The following C12orf50 variants were observed in gnomAD, a reference collection of about 807,000 sequenced individuals.
The protein encoded by C12orf50 is uncharacterized protein C12orf50.
A neutral mutation model predicts 61.6 loss-of-function variants in C12orf50; 35 were observed. That is an observed-to-expected ratio of 0.57 (90% CI 0.43 to 0.75). The LOEUF (loss-of-function observed/expected upper bound fraction) is 0.75, where lower values mean the gene tolerates loss of function less well. C12orf50 is among the 30% of genes least tolerant of loss of function. The pLI is 0.00. For missense variants in C12orf50, 475 were observed against 488.5 expected, an observed-to-expected ratio of 0.97 and a Z score of 0.26; for synonymous variants, 178 against 161.5, an observed-to-expected ratio of 1.10 and a Z score of -0.77.
intron 3 of C12orf50, among the ~76,000 whole-genome samples, chr12:88,012,346 C>G (rs2032142858): frequency 6.6e-6 from 1 of 152,148 alleles, no homozygotes; most frequent in Non-Finnish European, 1.5e-5. Flanking sequence ...ACCTCCATAG[C>G]TAGAACACAC....
In C12orf50 at chr12:88,027,014, G is replaced by A. The variant is rs775986486; in HGVS notation, c.-52C>T. 1 of 1,613,824 alleles carries A rather than the reference G, an allele frequency of 6.2e-7. No individual in the cohort carries two copies. The highest frequency in any genetic ancestry group is 2.2e-5 in the East Asian group (1 of 44,852). On this transcript the variant is annotated 5_prime_UTR_variant, in exon 2 of 13. Coordinates refer to ENST00000298699, the MANE Select transcript of C12orf50 (RefSeq NM_152589.3). ...AACATTTCCTCTCTCTCCATAATGA[G>A]CACACAGTGTCACTGCCAAGGGCCT...
At position 88,029,299 on chromosome 12, in the gene C12orf50, C is replaced by T. The variant is rs183671824; in HGVS notation, c.-109+41G>A. On this transcript the variant is annotated intron_variant, in intron 1 of 12. Coordinates refer to ENST00000298699, the MANE Select transcript of C12orf50 (RefSeq NM_152589.3). The stretch of plus-strand genomic sequence containing the variant: ...CTGACCTCCTGTTGACAGTATATTA[C>T]GCAATAGATAATTCTTAAAGACATT... The T allele has an allele frequency of 4.1e-3, 872 of 212,096 alleles. 3 individuals carry two copies. Among genetic ancestry groups the T allele is most frequent in the Non-Finnish European group, 4.9e-3 (506 of 103,032 alleles). The allele number at this position is 212,096 out of a possible 1,614,324, so 13.1% of individuals were successfully genotyped here.
In C12orf50 at chr12:87,998,042, TTCA is replaced by T; in HGVS notation, c.279_281del (p.Asp93del). On this transcript the variant is annotated inframe_deletion, in exon 4 of 13. Coordinates refer to ENST00000298699, the MANE Select transcript of C12orf50 (RefSeq NM_152589.3). Reference sequence around the variant, plus strand: ...GAAAAAAGTTCTACTAACCATTTTGTTCATCTACTTCCTCTTCTTCCTCAAAAT... The same window carrying T: ...GAAAAAAGTTCTACTAACCATTTTGTTCTACTTCCTCTTCTTCCTCAAAAT... 6.2e-7 allele frequency: 1 copy of T among 1,608,924 alleles called. No homozygotes were observed. Among genetic ancestry groups the T allele is most frequent in the Non-Finnish European group, 8.5e-7 (1 of 1,177,718 alleles).
intron 3 of C12orf50, among the ~76,000 whole-genome samples, chr12:88,007,746 C>A (rs1036058393): frequency 7.9e-5 from 12 of 152,052 alleles, no homozygotes; most frequent in Admixed American, 7.2e-4. Context: ...TAATTTTGAT[C>A]ATTAATTCAC....
In C12orf50 at chr12:88,009,250, C is replaced by T. The variant is rs546261965; in HGVS notation, c.134-11060G>A. On this transcript the variant is annotated intron_variant, in intron 3 of 12. Coordinates refer to ENST00000298699, the MANE Select transcript of C12orf50 (RefSeq NM_152589.3). ...AGGCTGTTTTCCAAAGTACTCGTATCCGTTTATATATCCTTCTACAGTGCA... is the reference window on the plus strand; with the variant it reads ...AGGCTGTTTTCCAAAGTACTCGTATTCGTTTATATATCCTTCTACAGTGCA... Among the ~76,000 whole-genome samples the T allele has an allele frequency of 2.6e-4, 39 of 152,148 alleles. No homozygotes were observed. The South Asian group carries it at 7.9e-3, about 31-fold the overall frequency.
intron 3 of C12orf50, among the ~76,000 whole-genome samples, chr12:88,004,738 G>A (rs2031788240): frequency 6.6e-6 from 1 of 152,186 alleles, no homozygotes; most frequent in African/African-American, 2.4e-5. Context: ...GCAGCAACAT[G>A]AACGGAGCTG....
intron 3 of C12orf50, among the ~76,000 whole-genome samples, chr12:87,999,249 C>G (rs182801240): frequency 6.6e-6 from 1 of 152,086 alleles, no homozygotes; most frequent in East Asian, 1.9e-4. Flanking sequence ...CATGGCTAAA[C>G]CCTATCTCCA....
chr12:88,029,209 G>A (rs952067566), intron 1 of C12orf50, 131 bp downstream of exon 1: 3 of 735,236 alleles, frequency 4.1e-6, no homozygotes, highest in Middle Eastern at 3.0e-4. Context: ...AACTATCAGT[G>A]TGTAAGGGGG....
At chr12:88,022,179 GTTGGTTCAACATATA>G (rs756526607) in intron 3 of C12orf50, among the ~76,000 whole-genome samples, 2 of 151,586 alleles carry the variant, frequency 1.3e-5, no homozygotes, top group South Asian at 2.1e-4. Context: ...GGGATGCAAG[GTTGGTTCAACATATA>G]CAAATCAATA....
In C12orf50 at chr12:88,026,472, C is replaced by T; in HGVS notation, c.133+16G>A. On this transcript the variant is annotated intron_variant, in intron 3 of 12. Transcript: ENST00000298699. ...TAGAATATGGTAAGTCTATGTTATTCAAAAAATGTACTCACTGCTACTTGG... is the reference window on the plus strand; with the variant it reads ...TAGAATATGGTAAGTCTATGTTATTTAAAAAATGTACTCACTGCTACTTGG... 1 of 1,611,860 alleles carries T rather than the reference C, an allele frequency of 6.2e-7. No individual in the cohort carries two copies. Among genetic ancestry groups the T allele is most frequent in the Non-Finnish European group, 8.5e-7 (1 of 1,179,214 alleles).
intron 1 of C12orf50, among the ~76,000 whole-genome samples, chr12:88,028,148 T>A (rs1161407974): frequency 6.6e-6 from 1 of 152,230 alleles, no homozygotes. Flanking sequence ...ATTCATTTAA[T>A]TATTTACTGG....
In C12orf50 at chr12:88,015,660, C is replaced by CA. The variant is rs1376441239; in HGVS notation, c.133+10827dup. Reference sequence around the variant, plus strand: ...AAAGAATAAGTGCCTACCAGGCTTGCAAAAAAGTACGAACTGTACTCAGAA... The same window carrying CA: ...AAAGAATAAGTGCCTACCAGGCTTGCAAAAAAAGTACGAACTGTACTCAGAA... On this transcript the variant is annotated intron_variant, in intron 3 of 12. Transcript: ENST00000298699. Among the ~76,000 whole-genome samples, 11 of 152,020 alleles carry CA rather than the reference C, an allele frequency of 7.2e-5. 1 individual carries two copies. The highest frequency in any genetic ancestry group is 2.7e-4 in the African/African-American group (11 of 41,496).
At chr12:88,021,472 T>A (rs1321569889) in intron 3 of C12orf50, among the ~76,000 whole-genome samples, 3 of 152,066 alleles carry the variant, frequency 2.0e-5, no homozygotes, top group African/African-American at 7.2e-5. Context: ...ACCCAGTCTC[T>A]ACTAAAAATA....
At chr12:87,983,071 A>G (rs1367150275) in intron 12 of C12orf50, 32 bp downstream of exon 12, 5 of 1,274,920 alleles carry the variant, frequency 3.9e-6, no homozygotes, top group Admixed American at 2.1e-5. Context: ...TCAGAATTGC[A>G]TGATACATTA....
chr12:87,987,807 C>A (rs778081456), intron 9 of C12orf50, 43 bp downstream of exon 9: 4 of 1,257,556 alleles, frequency 3.2e-6, no homozygotes, highest in Non-Finnish European at 4.6e-6. Flanking sequence ...CATGGTAAGA[C>A]AAATATATCT....
At chr12:88,028,672 C>T (rs1256332805) in intron 1 of C12orf50, among the ~76,000 whole-genome samples, 1 of 151,906 alleles carries the variant, frequency 6.6e-6, no homozygotes, top group Non-Finnish European at 1.5e-5. Context: ...TTGACACTTA[C>T]CTGAATTCAA....
At chr12:88,020,430 T>C (rs1302012415) in intron 3 of C12orf50, among the ~76,000 whole-genome samples, 1 of 151,848 alleles carries the variant, frequency 6.6e-6, no homozygotes, top group African/African-American at 2.4e-5. Context: ...ACCAACAAGA[T>C]TAAAAAACAT....
In C12orf50 at chr12:87,986,365, C is replaced by A; in HGVS notation, c.869G>T (p.Arg290Ile). 6.8e-6 allele frequency: 11 copies of A among 1,611,840 alleles called. No individual in the cohort carries two copies. Among genetic ancestry groups the A allele is most frequent in the Non-Finnish European group, 9.3e-6 (11 of 1,179,162 alleles). ...CTGTGGTTCATCATAAATCCATTTT[C>A]TTTTCTTCACACCTTTAAAATGAGG... ...KKPHFKGVKK[R>I]KWIYDEPQNF... The change falls in exon 10 of 13, where the codon AGA becomes ATA. Residue 290 changes from arginine to isoleucine, a missense_variant. Physicochemically the swap from Arg to Ile is moderately conservative, Grantham distance 97 (BLOSUM62 -3). Coordinates refer to ENST00000298699, the MANE Select transcript of C12orf50 (RefSeq NM_152589.3).
At chr12:87,980,503 A>G (rs58896147) in intron 12 of C12orf50, 147 bp from the exon 13 acceptor site, 11,574 of 701,624 alleles carry the variant, frequency 0.016, 716 homozygotes, top group African/African-American at 0.15. Context: ...TCAAAATGCC[A>G]TTCAAATAGT....
Sources: allele counts gnomAD v4.1 joint callset (sites outside exome capture counted in the v4.1 genomes callset), GRCh38; gene constraint gnomAD v4.1.1; transcripts MANE v1.5; gene names NCBI Gene and HGNC (gene_info 2026-07-23, HGNC 2026-07-21).